Variants in MYH11 observed in about 807,000 individuals in gnomAD.
The protein encoded by MYH11 is myosin heavy chain 11, also known as myosin-11.
MYH11 carries 80 observed loss-of-function variants against 246.6 expected under a neutral mutation model. That is an observed-to-expected ratio of 0.32 (90% CI 0.27 to 0.39). MYH11 has a LOEUF of 0.39. MYH11 is among the 10% of genes least tolerant of loss of function. MYH11 has a pLI of 1.00. For missense variants in MYH11, 2,158 were observed against 2,546.8 expected, an observed-to-expected ratio of 0.85 and a Z score of 3.29; for synonymous variants, 1,071 against 1,015.5, an observed-to-expected ratio of 1.05 and a Z score of -1.04.
chr16:15,721,137 G>A (rs1418458557), intron 32 of MYH11, 86 bp from the exon 33 acceptor site: 9 of 1,451,162 alleles, frequency 6.2e-6, no homozygotes, highest in Non-Finnish European at 8.6e-6. Context: ...CACCTCAGGA[G>A]ATCAGGGAGG....
At chr16:15,824,014 T>G (rs1265975450) in intron 2 of MYH11, among the ~76,000 whole-genome samples, 1 of 152,114 alleles carries the variant, frequency 6.6e-6, no homozygotes, top group East Asian at 1.9e-4. Flanking sequence ...CTCACTGGCT[T>G]AAATAACAGC....
Position 15,720,149 on chromosome 16 carries a change from A to G in MYH11, c.4953+2T>C, listed in dbSNP as rs111622724. 3.7e-6 allele frequency: 6 copies of G among 1,613,854 alleles called. No homozygotes were observed. In the South Asian group the frequency reaches 6.6e-5, roughly 18 times the overall value. ...ATGCCCCAAGCTCCTAGTGTCACCC[A>G]CCTGCAGTTTGCGTAGCTGCTTGAT... On this transcript the variant is annotated splice_donor_variant, in intron 34 of 40. Transcript: ENST00000300036. LOFTEE classifies it high-confidence loss of function.
chr16:15,769,476 G>C (rs2151289151), intron 9 of MYH11, among the ~76,000 whole-genome samples: 1 of 152,382 alleles, frequency 6.6e-6, no homozygotes, highest in Admixed American at 6.5e-5. Flanking sequence ...CTCCAGCCTA[G>C]GTGACAGAGT....
At chr16:15,838,431 A>G (rs920148895) in intron 1 of MYH11, among the ~76,000 whole-genome samples, 162 bp from the exon 2 acceptor site, 1 of 152,152 alleles carries the variant, frequency 6.6e-6, no homozygotes, top group African/African-American at 2.4e-5. Context: ...GAGACCACCC[A>G]AAGGCCCTTC....
chr16:15,798,563 C>T (rs1398734508), intron 4 of MYH11, 97 bp downstream of exon 4: 3 of 1,226,228 alleles, frequency 2.4e-6, no homozygotes, highest in Non-Finnish European at 3.4e-6. Context: ...AAGATCTCTG[C>T]ACTCATGGAT....
chr16:15,756,225 A>C lies in MYH11; in HGVS notation c.1749+116T>G, dbSNP rs1033551348. On this transcript the variant is annotated intron_variant, in intron 14 of 40. Transcript: ENST00000300036. ...ACTTGGTTGGGATTCGCTTAGCAGC[A>C]GATGGCTTTGCAGTTTCCAGGCAGC... 5.2e-6 allele frequency: 6 copies of C among 1,148,662 alleles called. No homozygotes were observed. In the African/African-American group the frequency reaches 7.7e-5, roughly 15 times the overall value. 71.2% of individuals were successfully genotyped at this position (1,148,662 alleles called of 1,614,324 possible). A position where few individuals can be genotyped will look rare whatever the true frequency, so the allele number is the denominator to read the frequency against.
At chr16:15,836,782 C>T (rs1449623329) in intron 2 of MYH11, among the ~76,000 whole-genome samples, 2 of 132,196 alleles carry the variant, frequency 1.5e-5, no homozygotes, top group Admixed American at 8.5e-5. Flanking sequence ...TGGAGTGCAA[C>T]GGCACCATCT....
chr16:15,856,626 T>A (rs1292104931), intron 1 of MYH11, among the ~76,000 whole-genome samples: 1 of 152,054 alleles, frequency 6.6e-6, no homozygotes, highest in Non-Finnish European at 1.5e-5. Context: ...AATTTTTTTT[T>A]TTTTAAGGCA....
intron 6 of MYH11, among the ~76,000 whole-genome samples, chr16:15,781,618 A>G (rs1031129519): frequency 1.2e-4 from 18 of 152,334 alleles, no homozygotes; most frequent in Non-Finnish European, 2.4e-4. Flanking sequence ...ATCATCAACC[A>G]TCCACTTTCA....
Position 15,741,674 on chromosome 16 carries a change from A to G in MYH11, c.2653-5T>C. 6.2e-7 allele frequency: 1 copy of G among 1,613,944 alleles called. No homozygotes were observed. Among genetic ancestry groups the G allele is most frequent in the Non-Finnish European group, 8.5e-7 (1 of 1,180,050 alleles). On this transcript the variant is annotated splice_region_variant and splice_polypyrimidine_tract_variant and intron_variant, in intron 21 of 40. Transcript: ENST00000300036. ...CAGGTTCTTCTCCTCGGTCAGCTGC[A>G]CGCAGGTGGTGGGGAGGAGGCGGGT...
At chr16:15,825,532 C>T (rs1285068430) in intron 2 of MYH11, among the ~76,000 whole-genome samples, 1 of 152,052 alleles carries the variant, frequency 6.6e-6, no homozygotes, top group Non-Finnish European at 1.5e-5. Context: ...ACTCTAGCCC[C>T]TGGGTGACAG....
At chr16:15,712,308 C>T (rs1205646743) in intron 40 of MYH11, among the ~76,000 whole-genome samples, 1 of 152,052 alleles carries the variant, frequency 6.6e-6, no homozygotes, top group Non-Finnish European at 1.5e-5. Flanking sequence ...ACATGGAATT[C>T]TAAAGCGCCA....
chr16:15,723,449 C>T (rs1266067223), intron 31 of MYH11, among the ~76,000 whole-genome samples: 1 of 152,116 alleles, frequency 6.6e-6, no homozygotes, highest in Non-Finnish European at 1.5e-5. Context: ...GAGTTGGAGA[C>T]CAGCCTGGAC....
chr16:15,769,265 G>A (rs563792322), intron 9 of MYH11, among the ~76,000 whole-genome samples: 6 of 152,210 alleles, frequency 3.9e-5, no homozygotes, highest in South Asian at 2.1e-4. Flanking sequence ...GCAGTGAGCC[G>A]AGGTCGTGCC....
At chr16:15,833,377 G>GAGGGAGGGAGGAAGGAAGGA (rs1567208105) in intron 2 of MYH11, among the ~76,000 whole-genome samples, 5 of 50,930 alleles carry the variant, frequency 9.8e-5, no homozygotes, top group Non-Finnish European at 1.8e-4. Flanking sequence ...GAGAGGGAGG[G>GAGGGAGGGAGGAAGGAAGGA]AGGGAGGGAG....
At position 15,785,008 on chromosome 16, in the gene MYH11, A is replaced by ATTTTT. The variant is rs398028825; in HGVS notation, c.633+1617_633+1621dup. The ATTTTT allele has an allele frequency of 4.8e-3, 466 of 97,868 alleles. 13 individuals carry two copies. The highest frequency in any genetic ancestry group is 0.021 in the South Asian group (79 of 3,706). The allele number at this position is 97,868 out of a possible 1,614,324, so 6.1% of individuals were successfully genotyped here. ...ACACCAGGCCCAGCTAATTCTCTTG[A>ATTTTT]TTTTTTTTTTTTTTTTTTTTTGGTA... On this transcript the variant is annotated intron_variant, in intron 5 of 40. Transcript: ENST00000300036.
chr16:15,738,068 G>A (rs1226127456), intron 24 of MYH11, among the ~76,000 whole-genome samples: 1 of 152,132 alleles, frequency 6.6e-6, no homozygotes, highest in Non-Finnish European at 1.5e-5. Context: ...TTACAGGCGA[G>A]AGCCACCGCA....
At chr16:15,808,741 T>C (rs188162690) in intron 3 of MYH11, among the ~76,000 whole-genome samples, 1 of 151,980 alleles carries the variant, frequency 6.6e-6, no homozygotes, top group Non-Finnish European at 1.5e-5. Flanking sequence ...AAATTTTTTT[T>C]AATTAGCTGT....
At position 15,760,254 on chromosome 16, in the gene MYH11, C is replaced by T. The variant is rs557824509; in HGVS notation, c.1248+286G>A. ...GACAGCTGGATGGGTGATGGATGGACGGACAGATGGACAGATGGCTGGGTC... is the reference window on the plus strand; with the variant it reads ...GACAGCTGGATGGGTGATGGATGGATGGACAGATGGACAGATGGCTGGGTC... On this transcript the variant is annotated intron_variant, in intron 11 of 40. Transcript: ENST00000300036. 3.3e-5 allele frequency among the ~76,000 whole-genome samples: 5 copies of T among 151,612 alleles called. No individual in the cohort carries two copies. In the East Asian group the frequency reaches 5.8e-4, roughly 18 times the overall value.
Sources: gnomAD v4.1 joint callset for allele counts (sites outside exome capture counted in the v4.1 genomes callset) on GRCh38, gnomAD v4.1.1 for gene constraint, MANE v1.5 for transcripts, NCBI Gene and HGNC (gene_info 2026-07-23, HGNC 2026-07-21) for gene names.